Variants in LAMP5 observed in about 807,000 individuals in gnomAD.
LAMP5 encodes the protein lysosome-associated membrane glycoprotein 5.
Under a neutral mutation model 30.2 loss-of-function variants are expected in LAMP5, and 36 were observed. The observed-to-expected ratio is 1.19, with a 90% confidence interval of 0.91 to 1.57. The LOEUF is 1.57. Ranked by LOEUF, LAMP5 falls within the 40% of genes most tolerant of loss-of-function variation. LAMP5 has a pLI of 0.00. For missense variants in LAMP5, 377 were observed against 354.9 expected (o/e 1.06, Z -0.50); for synonymous variants, 149 against 134.6 (o/e 1.11, Z -0.74).
Position 9,518,064 on chromosome 20 carries a change from A to G in LAMP5, c.500A>G (p.His167Arg), listed in dbSNP as rs1057286144. The change falls in exon 5 of 6, where the codon CAC becomes CGC. Residue 167 changes from histidine (H) to arginine (R), a missense_variant. Physicochemically the swap from His to Arg is conservative, Grantham distance 29. Transcript: ENST00000246070. ...GCTGGGAAGCACACAGCCAACTCGC[A>G]CCACCTCTCTGCCTTGGTCACCCCC... ...VSAGKHTANS[H>R]HLSALVTPAG... 11 of 1,613,788 alleles carry G rather than the reference A, an allele frequency of 6.8e-6. No individual in the cohort carries two copies. The highest frequency in any genetic ancestry group is 2.2e-5 in the East Asian group (1 of 44,876).
intron 5 of LAMP5, among the ~76,000 whole-genome samples, chr20:9,521,911 A>G (rs1826922196): frequency 6.6e-6 from 1 of 152,210 alleles, no homozygotes. Context: ...GACATCACAT[A>G]TAGATTGGTC....
intron 4 of LAMP5, among the ~76,000 whole-genome samples, chr20:9,516,741 C>T (rs4816145): frequency 0.18 from 27,241 of 152,140 alleles, 2,802 homozygotes; most frequent in African/African-American, 0.28. Flanking sequence ...GTTTCTTATG[C>T]GCTAAAACTG....
rs767693086 is a variant in LAMP5 at position 9,516,307 on chromosome 20, G to T, written c.421G>T (p.Val141Leu). 1.2e-5 allele frequency: 20 copies of T among 1,614,198 alleles called. No homozygotes were observed. In the South Asian group the frequency reaches 2.2e-4, roughly 18 times the overall value. ...TGAGGCGACTTGGAGGCTGAGCAAA[G>T]TGCAGTTTGTCTACGACTCCTCGGA... The part of the protein sequence containing the change: ...GPEATWRLSK[V>L]QFVYDSSEKT... The change falls in exon 4 of 6, where the codon GTG becomes TTG. Residue 141 changes from valine (V) to leucine (L), a missense_variant. Coordinates refer to ENST00000246070, the MANE Select transcript of LAMP5 (RefSeq NM_012261.4).
At chr20:9,524,693 A>C (rs940704826) in intron 5 of LAMP5, among the ~76,000 whole-genome samples, 5 of 151,942 alleles carry the variant, frequency 3.3e-5, no homozygotes, top group Non-Finnish European at 7.4e-5. Flanking sequence ...TATACAGTGC[A>C]CAATTTATAT....
rs2045139130 is a variant in LAMP5 at position 9,529,875 on chromosome 20, C to A, written c.*55C>A. The A allele has an allele frequency of 4.5e-6, 7 of 1,549,998 alleles. No homozygotes were observed. The highest frequency in any genetic ancestry group is 6.2e-6 in the Non-Finnish European group (7 of 1,129,288). On this transcript the variant is annotated 3_prime_UTR_variant, in exon 6 of 6. Coordinates refer to ENST00000246070, the MANE Select transcript of LAMP5 (RefSeq NM_012261.4). The stretch of plus-strand genomic sequence containing the variant: ...GCTCCCCCAACTGGATCAGGTAGAA[C>A]AACAAAAGCACTTTTCCATCTTGTA...
intron 5 of LAMP5, 76 bp downstream of exon 5, chr20:9,518,304 C>CT: frequency 1.5e-6 from 2 of 1,323,994 alleles, no homozygotes; most frequent in Non-Finnish European, 2.1e-6. Flanking sequence ...TACCAGGGCC[C>CT]CAGGATGTTA....
intron 5 of LAMP5, 46 bp downstream of exon 5, chr20:9,518,274 G>T: frequency 6.3e-7 from 1 of 1,577,364 alleles, no homozygotes; most frequent in Non-Finnish European, 8.7e-7. Flanking sequence ...GTTTATTTCA[G>T]GAAGGATGAG....
intron 5 of LAMP5, among the ~76,000 whole-genome samples, chr20:9,520,415 A>T (rs957962899): frequency 6.6e-6 from 1 of 152,132 alleles, no homozygotes; most frequent in East Asian, 1.9e-4. Flanking sequence ...AATTTTAAAG[A>T]TTCCTTTTGG....
intron 5 of LAMP5, among the ~76,000 whole-genome samples, chr20:9,528,683 A>G (rs1344361944): frequency 1.3e-5 from 2 of 152,196 alleles, no homozygotes; most frequent in Admixed American, 6.5e-5. Context: ...TCGTACTTAT[A>G]TTTGCAACCA....
At chr20:9,524,761 ATC>A (rs2045102194) in intron 5 of LAMP5, among the ~76,000 whole-genome samples, 1 of 152,208 alleles carries the variant, frequency 6.6e-6, no homozygotes, top group Non-Finnish European at 1.5e-5. Context: ...ATATTAATAT[ATC>A]TGTTTCCTGC....
At chr20:9,523,339 G>A (rs754131319) in intron 5 of LAMP5, among the ~76,000 whole-genome samples, 1 of 152,132 alleles carries the variant, frequency 6.6e-6, no homozygotes, top group Non-Finnish European at 1.5e-5. Context: ...CATGGTGCTA[G>A]GAGAGCCTGA....
In LAMP5 at chr20:9,518,107, G is replaced by A; in HGVS notation, c.543G>A (p.Glu181=). The A allele has an allele frequency of 1.2e-6, 2 of 1,614,212 alleles. No homozygotes were observed. The highest frequency in any genetic ancestry group is 1.1e-5 in the South Asian group (1 of 91,086). ...TCACCCCCGCTGGGAAGTCCTATGA[G>A]TGTCAAGCTCAACAAACCATTTCAC... ...ALVTPAGKSY[E]CQAQQTISLA... Residue 181 remains glutamate, a synonymous_variant, in exon 5 of 6, where the codon GAG becomes GAA. Transcript: ENST00000246070.
chr20:9,516,068 C>A lies in LAMP5; in HGVS notation c.306C>A (p.Ser102Arg), dbSNP rs777973130. The change falls in exon 3 of 6, where the codon AGC (serine) becomes AGA (arginine). Residue 102 changes from serine (S) to arginine (R), a missense_variant. Ser to Arg is a moderately radical substitution (Grantham distance 110). Transcript: ENST00000246070. ...AGGTGAAGGGCCGCTGTGGCCACAG[C>A]CAGTCGGAGCTGCAAGTGTTCTGGG... ...GAEVKGRCGH[S>R]QSELQVFWVD... The A allele has an allele frequency of 1.9e-6, 3 of 1,546,574 alleles. No individual in the cohort carries two copies. Among genetic ancestry groups the A allele is most frequent in the Non-Finnish European group, 2.6e-6 (3 of 1,152,968 alleles).
chr20:9,518,250 G>A (rs749401464), intron 5 of LAMP5, 22 bp downstream of exon 5: 1 of 1,608,784 alleles, frequency 6.2e-7, no homozygotes, highest in Non-Finnish European at 8.5e-7. Context: ...GGGGATGGAG[G>A]GGAAGAAGAC....
Position 9,516,031 on chromosome 20 carries a change from C to T in LAMP5, c.269C>T (p.Thr90Ile), listed in dbSNP as rs1207351466. The T allele has an allele frequency of 5.9e-6, 9 of 1,533,238 alleles. No individual in the cohort carries two copies. Among genetic ancestry groups the T allele is most frequent in the Admixed American group, 2.2e-5 (1 of 44,862 alleles). The allele number at this position is 1,533,238 out of a possible 1,614,324, so 95.0% of individuals were successfully genotyped here. A position where few individuals can be genotyped will look rare whatever the true frequency, so the allele number is the denominator to read the frequency against. ...LITEQADIAL[T>I]RGAEVKGRCG... Reference sequence around the variant, plus strand: ...ACAGAACAGGCCGATATCGCATTGACCCGGGGAGCTGAGGTGAAGGGCCGC... The same window carrying T: ...ACAGAACAGGCCGATATCGCATTGATCCGGGGAGCTGAGGTGAAGGGCCGC... Residue 90 changes from threonine to isoleucine, a missense_variant, in exon 3 of 6, where the codon ACC becomes ATC. By Grantham distance (89) the Thr-to-Ile change is moderately conservative. Transcript: ENST00000246070.
At chr20:9,515,282 G>A (rs557990749) in intron 1 of LAMP5, among the ~76,000 whole-genome samples, 171 bp from the exon 2 acceptor site, 1 of 152,258 alleles carries the variant, frequency 6.6e-6, no homozygotes, top group East Asian at 1.9e-4. Flanking sequence ...AATTAACAGC[G>A]AAGGAATGAG....
At chr20:9,522,569 G>C (rs1175507205) in intron 5 of LAMP5, among the ~76,000 whole-genome samples, 1 of 152,240 alleles carries the variant, frequency 6.6e-6, no homozygotes, top group Non-Finnish European at 1.5e-5. Context: ...CTTCGGCCAT[G>C]GAGTTAGCCA....
At chr20:9,517,171 T>C (rs1361144443) in intron 4 of LAMP5, among the ~76,000 whole-genome samples, 2 of 152,220 alleles carry the variant, frequency 1.3e-5, no homozygotes, top group East Asian at 3.8e-4. Flanking sequence ...GGAGGATTTT[T>C]TCTTTTTCAT....
At chr20:9,524,605 A>AC (rs2045100149) in intron 5 of LAMP5, among the ~76,000 whole-genome samples, 1 of 149,770 alleles carries the variant, frequency 6.7e-6, no homozygotes, top group South Asian at 2.1e-4. Context: ...TAAAAAAAAA[A>AC]AAAAAAAAAA....
Sources: gnomAD v4.1 joint callset for allele counts (sites outside exome capture counted in the v4.1 genomes callset) on GRCh38, gnomAD v4.1.1 for gene constraint, MANE v1.5 for transcripts, NCBI Gene and HGNC (gene_info 2026-07-23, HGNC 2026-07-21) for gene names.